Variants in KIDINS220 observed in about 807,000 individuals in gnomAD.
The protein encoded by KIDINS220 is kinase D interacting substrate 220.
Under a neutral mutation model 157.6 loss-of-function variants are expected in KIDINS220, and 63 were observed. That is an observed-to-expected ratio of 0.40 (90% confidence interval 0.33 to 0.49). KIDINS220 has a LOEUF of 0.49. Ranked by LOEUF, KIDINS220 falls within the 20% of genes least tolerant of loss-of-function variation. KIDINS220 has a pLI of 0.66. For synonymous variants in KIDINS220, 732 were observed against 783.6 expected (o/e 0.93, Z 1.10); for missense variants, 1,772 against 2,171.2 (o/e 0.82, Z 3.65).
chr2:8,813,265 T>A lies in KIDINS220; in HGVS notation c.377A>T (p.His126Leu), dbSNP rs777873298. Residue 126 changes from histidine to leucine, a missense_variant, in exon 5 of 30, where the codon CAT (histidine) becomes CTT (leucine). By Grantham distance (99) the His-to-Leu change is moderately conservative. Around this residue, in one of 3 missense-constraint regions of KIDINS220, gnomAD observed 254 missense variants for 268.6 expected, o/e 0.95. Coordinates refer to ENST00000256707, the MANE Select transcript of KIDINS220 (RefSeq NM_020738.4). ...ACCAGTGACACTTGGATTGGCACCA[T>A]GAGAAAGAAGCAACTCTACTACGTC... is the stretch of plus-strand genomic sequence containing the variant. ...RTDVVELLLS[H>L]GANPSVTGLY... is the part of the protein sequence containing the mutation. 23 of 1,612,228 alleles carry A rather than the reference T, an allele frequency of 1.4e-5. No homozygotes were observed. In the East Asian group the frequency reaches 4.9e-4, roughly 34 times the overall value.
At chr2:8,797,494 C>G (rs902655240) in intron 10 of KIDINS220, among the ~76,000 whole-genome samples, 27 of 152,182 alleles carry the variant, frequency 1.8e-4, no homozygotes, top group African/African-American at 6.5e-4. Flanking sequence ...AAGGAGCCAC[C>G]TGCAAACCAG....
At chr2:8,778,347 T>G (rs1428093644) in intron 20 of KIDINS220, among the ~76,000 whole-genome samples, 1 of 152,086 alleles carries the variant, frequency 6.6e-6, no homozygotes, top group African/African-American at 2.4e-5. Context: ...CAGGAATGAA[T>G]AGAGTGGTTC....
intron 22 of KIDINS220, among the ~76,000 whole-genome samples, chr2:8,761,184 TGTC>T (rs1246565370): frequency 2.6e-5 from 4 of 152,174 alleles, no homozygotes; most frequent in African/African-American, 9.6e-5. Flanking sequence ...TCCATGCAAT[TGTC>T]GTCTTTAAGA....
rs1433433549 is a variant in KIDINS220 at position 8,737,017 on chromosome 2, A to C, written c.3586-18T>G. 1 of 1,613,392 alleles carries C rather than the reference A, an allele frequency of 6.2e-7. No individual in the cohort carries two copies. Among genetic ancestry groups the C allele is most frequent in the South Asian group, 1.1e-5 (1 of 90,970 alleles). On this transcript the variant is annotated intron_variant, in intron 26 of 29. Transcript: ENST00000256707. ...CCTGACCCCTAGAGAAGTCAAGGAA[A>C]AATACAGGTATGAATAAGCATTTAA...
intron 2 of KIDINS220, among the ~76,000 whole-genome samples, chr2:8,820,925 T>G (rs1246217111): frequency 6.6e-6 from 1 of 152,162 alleles, no homozygotes; most frequent in Non-Finnish European, 1.5e-5. Context: ...AAAAGTCAGG[T>G]ATCAAAGTCA....
Position 8,779,725 on chromosome 2 carries a change from G to A in KIDINS220, c.2319C>T (p.Ile773=), listed in dbSNP as rs372177879. The A allele has an allele frequency of 4.0e-5, 65 of 1,614,014 alleles. No individual in the cohort carries two copies. The highest frequency in any genetic ancestry group is 8.8e-5 in the South Asian group (8 of 91,084). ...TQNQTRLVVI[I]DGLDACEQDK... is the part of the protein sequence containing the mutation. ...CCTGCTCACAGGCATCTAATCCATC[G>A]ATGATGACCACCAGCCTTGTCTGAT... The change falls in exon 18 of 30, where the codon ATC becomes ATT. Residue 773 remains isoleucine, a synonymous_variant. Transcript: ENST00000256707.
chr2:8,833,244 C>T (rs986743068), intron 1 of KIDINS220, among the ~76,000 whole-genome samples: 1 of 152,172 alleles, frequency 6.6e-6, no homozygotes, highest in Non-Finnish European at 1.5e-5. Context: ...GTCTGAGTTT[C>T]CCCATCTTCA....
At chr2:8,830,158 T>G (rs1484009839) in intron 1 of KIDINS220, among the ~76,000 whole-genome samples, 1 of 152,224 alleles carries the variant, frequency 6.6e-6, no homozygotes, top group East Asian at 1.9e-4. Context: ...TGCCTTAGTT[T>G]AGACCTTCAC....
chr2:8,731,004 G>A lies in KIDINS220; in HGVS notation c.5032C>T (p.Arg1678Ter). ...PACQKAYNLNRTPSTVTLNNN... is the reference protein window; with the variant it reads ...PACQKAYNLN ...TTCAGAGTCACGGTGCTGGGAGTTC[G>A]GTTCAGGTTGTAGGCTTTCTGGCAT... The change falls in exon 30 of 30, where the codon CGA (arginine) becomes TGA (stop). Residue 1678 changes from arginine (R) to a stop codon, truncating the protein, a stop_gained. Coordinates refer to ENST00000256707, the MANE Select transcript of KIDINS220 (RefSeq NM_020738.4). LOFTEE classifies it low-confidence loss of function (END_TRUNC). This position sits in a 1 kb window ranked among gnomAD's most constrained non-coding sequence, Gnocchi z 5.2. 6.2e-7 allele frequency: 1 copy of A among 1,614,144 alleles called. No homozygotes were observed. Among genetic ancestry groups the A allele is most frequent in the African/African-American group, 1.3e-5 (1 of 75,018 alleles).
Position 8,730,960 on chromosome 2 carries a change from G to C in KIDINS220, c.5076C>G (p.Ala1692=), listed in dbSNP as rs781621604. ...CATCGAAATTTTGATTGGCTCTGTT[G>C]GCTGGAGCACTATTGTTGTTCAGAG... ...TVTLNNNSAP[A]NRANQNFDEM... is the part of the protein sequence containing the mutation. Residue 1692 remains alanine (A), a synonymous_variant, in exon 30 of 30, where the codon GCC becomes GCG. Coordinates refer to ENST00000256707, the MANE Select transcript of KIDINS220 (RefSeq NM_020738.4). The C allele has an allele frequency of 1.9e-6, 3 of 1,614,196 alleles. No individual in the cohort carries two copies. Among genetic ancestry groups the C allele is most frequent in the East Asian group, 4.5e-5 (2 of 44,882 alleles).
rs746855191 is a variant in KIDINS220 at position 8,739,401 on chromosome 2, AAT to A, written c.3586-2404_3586-2403del. ...AAGAGCTAAATTATCAATTAATGAAAATATGTTATAATATGCTTCTTTGAATA... is the reference window on the plus strand; with the variant it reads ...AAGAGCTAAATTATCAATTAATGAAAATGTTATAATATGCTTCTTTGAATA... On this transcript the variant is annotated intron_variant, in intron 26 of 29. Transcript: ENST00000256707. Among the ~76,000 whole-genome samples the A allele has an allele frequency of 4.7e-4, 72 of 152,186 alleles. 1 individual carries two copies. Among genetic ancestry groups the A allele is most frequent in the Non-Finnish European group, 8.8e-4 (60 of 68,014 alleles).
chr2:8,732,865 C>T (rs1406219900), intron 29 of KIDINS220, among the ~76,000 whole-genome samples: 1 of 152,146 alleles, frequency 6.6e-6, no homozygotes, highest in Non-Finnish European at 1.5e-5. Context: ...CTGCGCTCTC[C>T]TCACTCCCGC....
chr2:8,794,580 TCTC>T (rs1187431592), intron 11 of KIDINS220, among the ~76,000 whole-genome samples: 1 of 152,012 alleles, frequency 6.6e-6, no homozygotes, highest in Non-Finnish European at 1.5e-5. Flanking sequence ...CCTCTTCCAT[TCTC>T]CTCACCTTTC....
chr2:8,728,257 G>A (rs918669569), downstream of KIDINS220, among the ~76,000 whole-genome samples: 1 of 152,150 alleles, frequency 6.6e-6, no homozygotes, highest in Non-Finnish European at 1.5e-5. Context: ...CCAGGAGGTC[G>A]AGGCTGCAGT....
At position 8,748,008 on chromosome 2, in the gene KIDINS220, A is replaced by C; in HGVS notation, c.3415-8T>G. ...GTATGGGGCAAAGAATGGCTATGGA[A>C]AAACATGTAACAAAAAAGGGGTAAA... On this transcript the variant is annotated splice_polypyrimidine_tract_variant and splice_region_variant and intron_variant, in intron 24 of 29. Coordinates refer to ENST00000256707, the MANE Select transcript of KIDINS220 (RefSeq NM_020738.4). The C allele has an allele frequency of 6.6e-7, 1 of 1,512,000 alleles. No homozygotes were observed. The highest frequency in any genetic ancestry group is 1.3e-5 in the South Asian group (1 of 78,960). The allele number at this position is 1,512,000 out of a possible 1,614,324, so 93.7% of individuals were successfully genotyped here. A position where few individuals can be genotyped will look rare whatever the true frequency, so the allele number is the denominator to read the frequency against.
chr2:8,732,654 G>C (rs1664290662), intron 29 of KIDINS220, among the ~76,000 whole-genome samples: 2 of 152,178 alleles, frequency 1.3e-5, no homozygotes, highest in African/African-American at 4.8e-5. Context: ...TTTAAGAAGG[G>C]TCAAGAGCAA....
At chr2:8,728,166 G>A (rs1293884970), downstream of KIDINS220, among the ~76,000 whole-genome samples, 5 of 152,154 alleles carry the variant, frequency 3.3e-5, no homozygotes, top group African/African-American at 1.2e-4. Flanking sequence ...AACATAGCAA[G>A]GCTGCATCTC....
In KIDINS220 at chr2:8,778,701, C is replaced by T; in HGVS notation, c.2641G>A (p.Val881Ile). The T allele has an allele frequency of 1.2e-6, 2 of 1,614,128 alleles. No homozygotes were observed. Among genetic ancestry groups the T allele is most frequent in the Non-Finnish European group, 1.7e-6 (2 of 1,179,976 alleles). Reference sequence around the variant, plus strand: ...ATCTCCCCAAGGCTGTTCTGTGAAACTCTTCTGTCAGCATCTTCCTGTATC... The same window carrying T: ...ATCTCCCCAAGGCTGTTCTGTGAAATTCTTCTGTCAGCATCTTCCTGTATC... ...TGIQEDADRRVSQNSLGEMTK... is the reference protein window; with the variant it reads ...TGIQEDADRRISQNSLGEMTK... Residue 881 changes from valine to isoleucine, a missense_variant, in exon 20 of 30, where the codon GTT becomes ATT. Around this residue, in one of 3 missense-constraint regions of KIDINS220, gnomAD observed 725 missense variants for 1,017.1 expected, o/e 0.71. Transcript: ENST00000256707.
intron 26 of KIDINS220, 80 bp downstream of exon 26, chr2:8,747,065 A>G: frequency 7.9e-7 from 1 of 1,265,896 alleles, no homozygotes; most frequent in Non-Finnish European, 1.2e-6. Flanking sequence ...GTGAGCTGCT[A>G]TCATCACAAT....
Sources: gnomAD v4.1 joint callset for allele counts (sites outside exome capture counted in the v4.1 genomes callset) on GRCh38, gnomAD v4.1.1 for gene constraint, gnomAD v4.1.1 regional missense constraint, Gnocchi (gnomAD v3.1) non-coding constraint, MANE v1.5 for transcripts, NCBI Gene and HGNC (gene_info 2026-07-23, HGNC 2026-07-21) for gene names.